REEP3: variants seen among roughly 807,000 people sequenced by gnomAD.
REEP3 encodes the protein receptor accessory protein 3, also known as receptor expression-enhancing protein 3.
In REEP3, 20 loss-of-function variants were observed where a neutral mutation model predicts 41.3. That is an observed-to-expected ratio of 0.48 (90% confidence interval 0.34 to 0.70). The LOEUF is 0.70. Among genes scored for constraint, REEP3 ranks in the 30% least tolerant of loss-of-function variants. The pLI is 0.01. For missense variants in REEP3, 271 were observed against 308.8 expected, an observed-to-expected ratio of 0.88 and a Z score of 0.92; for synonymous variants, 104 against 101.8, an observed-to-expected ratio of 1.02 and a Z score of -0.13.
At chr10:63,552,668 G>A (rs183187057) in intron 1 of REEP3, among the ~76,000 whole-genome samples, 67 of 152,218 alleles carry the variant, frequency 4.4e-4, no homozygotes, top group African/African-American at 1.6e-3. Flanking sequence ...TTAATCACTT[G>A]TATATGTTTC....
chr10:63,535,744 C>G (rs959360922), intron 1 of REEP3, among the ~76,000 whole-genome samples: 3 of 151,902 alleles, frequency 2.0e-5, no homozygotes, highest in African/African-American at 7.3e-5. Context: ...GAAAGTATAC[C>G]TAACTTAATA....
At chr10:63,564,468 C>T (rs1036433637) in intron 1 of REEP3, among the ~76,000 whole-genome samples, 29 of 151,746 alleles carry the variant, frequency 1.9e-4, no homozygotes, top group Non-Finnish European at 1.0e-4. Context: ...ACTAAAAATA[C>T]AAAAATTGGC....
At chr10:63,572,342 A>G (rs1329568088) in intron 2 of REEP3, among the ~76,000 whole-genome samples, 1 of 151,942 alleles carries the variant, frequency 6.6e-6, no homozygotes, top group Non-Finnish European at 1.5e-5. Flanking sequence ...TCTCGGATAC[A>G]TGTGCGGAAC....
At chr10:63,617,445 G>A (rs1485028809) in intron 6 of REEP3, among the ~76,000 whole-genome samples, 1 of 152,044 alleles carries the variant, frequency 6.6e-6, no homozygotes, top group African/African-American at 2.4e-5. Flanking sequence ...TTTGAAACAG[G>A]CTATAATGCA....
intron 2 of REEP3, among the ~76,000 whole-genome samples, chr10:63,566,949 A>G (rs1353903001): frequency 6.6e-6 from 1 of 152,034 alleles, no homozygotes; most frequent in Non-Finnish European, 1.5e-5. Flanking sequence ...CCTCTTCCCT[A>G]TTCCCTAATT....
intron 3 of REEP3, 119 bp downstream of exon 3, chr10:63,594,973 A>G (rs971191902): frequency 2.8e-6 from 2 of 705,138 alleles, no homozygotes; most frequent in East Asian, 2.6e-5. Context: ...TTATCCACCC[A>G]TTTGTTTTTG....
chr10:63,533,710 C>T lies in REEP3; in HGVS notation c.32+12133C>T, dbSNP rs1298288567. ...GAAAGAGCCTTGGAAGTATGTAAAT[C>T]TTTTTTTTTTTTTTTGAGACGGAGT... On this transcript the variant is annotated intron_variant, in intron 1 of 7. Coordinates refer to ENST00000373758, the MANE Select transcript of REEP3 (RefSeq NM_001001330.3). Among the ~76,000 whole-genome samples the T allele has an allele frequency of 2.4e-3, 246 of 101,008 alleles. 2 individuals are homozygous for T. Among genetic ancestry groups the T allele is most frequent in the Middle Eastern group, 5.7e-3 (1 of 176 alleles). The allele number at this position is 101,008 out of a possible 152,430, so 66.3% of individuals were successfully genotyped here.
chr10:63,601,256 C>T (rs1956169361), intron 5 of REEP3, among the ~76,000 whole-genome samples: 3 of 152,112 alleles, frequency 2.0e-5, no homozygotes, highest in African/African-American at 7.2e-5. Context: ...ATCCATGATA[C>T]CATCATGATT....
intron 2 of REEP3, among the ~76,000 whole-genome samples, chr10:63,575,841 C>T (rs1955894425): frequency 6.6e-6 from 1 of 152,210 alleles, no homozygotes; most frequent in South Asian, 2.1e-4. Context: ...TCAAGCAATT[C>T]TCCTGTCTCA....
chr10:63,620,693 G>A, intron 7 of REEP3, 120 bp from the exon 8 acceptor site: 1 of 582,038 alleles, frequency 1.7e-6, no homozygotes, highest in Non-Finnish European at 2.9e-6. Flanking sequence ...CATTTATTAA[G>A]AGAATTCATT....
intron 2 of REEP3, among the ~76,000 whole-genome samples, chr10:63,573,836 A>G (rs1955874556): frequency 1.3e-5 from 2 of 152,220 alleles, no homozygotes; most frequent in South Asian, 2.1e-4. Context: ...TTTGATAAAA[A>G]GTATTCATTT....
chr10:63,565,964 A>C lies in REEP3; in HGVS notation c.33-374A>C, dbSNP rs189635149. ...CAGTGGCACGATCTTGGCTCACTGC[A>C]AGCTCCGTCCCCTGGGTTCACGCCA... is the stretch of plus-strand genomic sequence containing the variant. On this transcript the variant is annotated intron_variant, in intron 1 of 7. Transcript: ENST00000373758. 3.3e-3 allele frequency among the ~76,000 whole-genome samples: 492 copies of C among 148,776 alleles called. 3 individuals are homozygous for C. The highest frequency in any genetic ancestry group is 0.012 in the African/African-American group (477 of 40,226).
chr10:63,522,846 T>A (rs948307974), intron 1 of REEP3, among the ~76,000 whole-genome samples: 1 of 152,194 alleles, frequency 6.6e-6, no homozygotes, highest in Non-Finnish European at 1.5e-5. Context: ...AATCAAGATA[T>A]AAACAAAAGG....
rs185250470 is a variant in REEP3 at position 63,533,141 on chromosome 10, G to C, written c.32+11564G>C. Among the ~76,000 whole-genome samples, 12 of 152,288 alleles carry C rather than the reference G, an allele frequency of 7.9e-5. No homozygotes were observed. In the East Asian group the frequency reaches 2.3e-3, roughly 29 times the overall value. On this transcript the variant is annotated intron_variant, in intron 1 of 7. Coordinates refer to ENST00000373758, the MANE Select transcript of REEP3 (RefSeq NM_001001330.3). Reference sequence around the variant, plus strand: ...TACCATCACTAGAGGCATAAAGGCAGGGTAGAACCCTAGTTGAAGATCTTA... The same window carrying C: ...TACCATCACTAGAGGCATAAAGGCACGGTAGAACCCTAGTTGAAGATCTTA...
At chr10:63,577,661 C>T (rs923982508) in intron 2 of REEP3, among the ~76,000 whole-genome samples, 14 of 151,656 alleles carry the variant, frequency 9.2e-5, no homozygotes, top group East Asian at 5.8e-4. Context: ...CTTGAGCTCC[C>T]GGGTCCAAGC....
rs557185204 is a variant in REEP3 at position 63,571,915 on chromosome 10, A to G, written c.105+5505A>G. Among the ~76,000 whole-genome samples, 32 of 152,300 alleles carry G rather than the reference A, an allele frequency of 2.1e-4. 1 individual carries two copies. The South Asian group carries it at 4.6e-3, about 22-fold the overall frequency. ...TTTATTCATTCTATTCTACCATGCTACCTTTAGAAACACAGGTGAAGATTC... is the reference window on the plus strand; with the variant it reads ...TTTATTCATTCTATTCTACCATGCTGCCTTTAGAAACACAGGTGAAGATTC... On this transcript the variant is annotated intron_variant, in intron 2 of 7. Coordinates refer to ENST00000373758, the MANE Select transcript of REEP3 (RefSeq NM_001001330.3).
At chr10:63,583,120 T>C (rs546750552) in intron 2 of REEP3, among the ~76,000 whole-genome samples, 2 of 152,200 alleles carry the variant, frequency 1.3e-5, no homozygotes, top group East Asian at 3.9e-4. Context: ...GCCTCCCAAG[T>C]AGCTGGGACT....
chr10:63,610,453 C>G, intron 6 of REEP3, 119 bp downstream of exon 6: 1 of 919,820 alleles, frequency 1.1e-6, no homozygotes, highest in South Asian at 1.8e-5. Flanking sequence ...GGACAAATAC[C>G]TAATGCATAC....
intron 2 of REEP3, among the ~76,000 whole-genome samples, chr10:63,572,046 CAAG>C (rs1955857375): frequency 1.3e-5 from 2 of 152,062 alleles, no homozygotes; most frequent in Non-Finnish European, 2.9e-5. Flanking sequence ...AGATATTTTC[CAAG>C]AAGGACAATC....
Sources: allele counts gnomAD v4.1 joint callset (sites outside exome capture counted in the v4.1 genomes callset), GRCh38; gene constraint gnomAD v4.1.1; transcripts MANE v1.5; gene names NCBI Gene and HGNC (gene_info 2026-07-23, HGNC 2026-07-21).